Variants in PNLIPRP1 observed in about 807,000 individuals in gnomAD.
PNLIPRP1 encodes the protein inactive pancreatic lipase-related protein 1.
In PNLIPRP1, 57 loss-of-function variants were observed where a neutral mutation model predicts 54.6. The ratio of observed to expected loss-of-function variants is 1.04; its 90% confidence interval spans 0.84 to 1.30. The LOEUF (loss-of-function observed/expected upper bound fraction) is 1.30. Ranked by LOEUF, PNLIPRP1 falls within the 50% of genes most tolerant of loss-of-function variation. The probability of loss-of-function intolerance (pLI) is 0.00; values close to 1 mark genes in which losing one functional copy is unlikely to be tolerated. For missense variants in PNLIPRP1, 567 were observed against 568.5 expected (o/e 1.00, Z 0.03); for synonymous variants, 232 against 208.8 (o/e 1.11, Z -0.96).
In PNLIPRP1 at chr10:116,592,410, TCA is replaced by T; in HGVS notation, c.205-3_205-2del. The T allele has an allele frequency of 6.3e-7, 1 of 1,597,486 alleles. No homozygotes were observed. The highest frequency in any genetic ancestry group is 1.1e-5 in the South Asian group (1 of 89,252). On this transcript the variant is annotated splice_polypyrimidine_tract_variant and splice_region_variant and intron_variant, in intron 3 of 12. Coordinates refer to ENST00000358834, the MANE Select transcript of PNLIPRP1 (RefSeq NM_006229.4). ...AAAACATGAAGCACTTCTGCGTCTG[TCA>T]CAGATTCTCCTCCTCTCTGATCCAT... is the stretch of plus-strand genomic sequence containing the variant.
chr10:116,605,538 G>A lies in PNLIPRP1; in HGVS notation c.1325G>A (p.Gly442Glu). 1 of 1,600,196 alleles carries A rather than the reference G, an allele frequency of 6.2e-7. No individual in the cohort carries two copies. The highest frequency in any genetic ancestry group is 8.5e-7 in the Non-Finnish European group (1 of 1,170,522). ...GCCACCAAGATCACTGTGCAAAAGGGAGAAGAGAAGACAGTGTATGTATCT... is the reference window on the plus strand; with the variant it reads ...GCCACCAAGATCACTGTGCAAAAGGAAGAAGAGAAGACAGTGTATGTATCT... ...VGATKITVQK[G>E]EEKTVYNFCS... The change falls in exon 12 of 13, where the codon GGA becomes GAA. Residue 442 changes from glycine to glutamate, a missense_variant. Coordinates refer to ENST00000358834, the MANE Select transcript of PNLIPRP1 (RefSeq NM_006229.4).
At chr10:116,596,561 C>G (rs72825622) in intron 6 of PNLIPRP1, among the ~76,000 whole-genome samples, 2,910 of 152,278 alleles carry the variant, frequency 0.019, 41 homozygotes, top group Non-Finnish European at 0.027. Context: ...CCTAGCCCCT[C>G]CTTTCTAAGT....
Position 116,591,754 on chromosome 10 carries a change from T to A in PNLIPRP1, c.50-17T>A. ...CTTGAGAGCAAATCCTTGAGCAGAT[T>A]CAACCTTTCTCTGTAGGAAAAGAAG... On this transcript the variant is annotated splice_polypyrimidine_tract_variant and intron_variant, in intron 2 of 12. Coordinates refer to ENST00000358834, the MANE Select transcript of PNLIPRP1 (RefSeq NM_006229.4). The A allele has an allele frequency of 1.9e-6, 3 of 1,613,722 alleles. No individual in the cohort carries two copies. Among genetic ancestry groups the A allele is most frequent in the Non-Finnish European group, 2.5e-6 (3 of 1,179,826 alleles).
At chr10:116,601,947 T>C (rs924345991) in intron 10 of PNLIPRP1, among the ~76,000 whole-genome samples, 19 of 152,232 alleles carry the variant, frequency 1.2e-4, no homozygotes, top group African/African-American at 4.3e-4. Context: ...TTTGGACAAA[T>C]GAATAGTTGT....
Position 116,596,337 on chromosome 10 carries a change from G to A in PNLIPRP1, c.574+15G>A. On this transcript the variant is annotated intron_variant, in intron 6 of 12. Coordinates refer to ENST00000358834, the MANE Select transcript of PNLIPRP1 (RefSeq NM_006229.4). ...CAGGATTACAGGTAAGGCCCCAGAG[G>A]CAGGGCCCCAGTTTTGTCCCCAGAA... is the stretch of plus-strand genomic sequence containing the variant. 2 of 1,519,328 alleles carry A rather than the reference G, an allele frequency of 1.3e-6. No homozygotes were observed. Among genetic ancestry groups the A allele is most frequent in the South Asian group, 1.1e-5 (1 of 88,304 alleles). 94.1% of individuals were successfully genotyped at this position (1,519,328 alleles called of 1,614,324 possible).
rs1554864719 is a variant in PNLIPRP1 at position 116,601,173 on chromosome 10, G to T, written c.1035G>T (p.Leu345Phe). ...RTSEEQQKFF[L>F]NTGEASNFAR... is the part of the protein sequence containing the mutation. ...GTGAAGAGCAGCAGAAATTCTTCTT[G>T]AACACAGGAGAGGCTAGCAATTTCG... The change falls in exon 10 of 13, where the codon TTG becomes TTT. Residue 345 changes from leucine to phenylalanine, a missense_variant. Leu to Phe is a conservative substitution (Grantham distance 22). Coordinates refer to ENST00000358834, the MANE Select transcript of PNLIPRP1 (RefSeq NM_006229.4). The T allele has an allele frequency of 6.2e-7, 1 of 1,614,032 alleles. No individual in the cohort carries two copies. Among genetic ancestry groups the T allele is most frequent in the Admixed American group, 1.7e-5 (1 of 59,980 alleles).
intron 6 of PNLIPRP1, 143 bp from the exon 7 acceptor site, chr10:116,597,685 C>A: frequency 2.3e-6 from 2 of 874,358 alleles, no homozygotes; most frequent in Non-Finnish European, 3.5e-6. Flanking sequence ...TCATATTTAG[C>A]ACCCAAGGCC....
intron 12 of PNLIPRP1, 39 bp downstream of exon 12, chr10:116,605,592 A>C: frequency 7.1e-7 from 1 of 1,405,022 alleles, no homozygotes; most frequent in Non-Finnish European, 9.6e-7. Flanking sequence ...AAATGTTTGC[A>C]GAGATTCATG....
In PNLIPRP1 at chr10:116,591,128, A is replaced by G. The variant is rs782371815; in HGVS notation, c.1-2A>G. ...ACTGAATTATGTTTAAATTTATTGT[A>G]GATGCTGATCTTCTGGACAATCACA... On this transcript the variant is annotated splice_acceptor_variant, in intron 1 of 12. Transcript: ENST00000358834. LOFTEE classifies it low-confidence loss of function (5UTR_SPLICE). 1.9e-6 allele frequency: 3 copies of G among 1,612,810 alleles called. No homozygotes were observed. Among genetic ancestry groups the G allele is most frequent in the African/African-American group, 1.3e-5 (1 of 74,926 alleles).
At chr10:116,593,008 T>A in intron 4 of PNLIPRP1, 1 of 232,406 alleles carries the variant, frequency 4.3e-6, no homozygotes, top group South Asian at 5.5e-5. Context: ...TCTCTACTAA[T>A]GATACAAAAA....
rs558814770 is a variant in PNLIPRP1, at chr10:116,601,878, T to C, written c.1063+677T>C. Among the ~76,000 whole-genome samples the C allele has an allele frequency of 7.9e-5, 12 of 152,360 alleles. No individual in the cohort carries two copies. In the South Asian group the frequency reaches 2.5e-3, roughly 32 times the overall value. On this transcript the variant is annotated intron_variant, in intron 10 of 12. Coordinates refer to ENST00000358834, the MANE Select transcript of PNLIPRP1 (RefSeq NM_006229.4). ...CTTACATAGTTTTTAAAGTCAGATT[T>C]ATTGAGGTATAATTTATATTTGGCA...
chr10:116,602,604 T>A (rs1452757797), intron 10 of PNLIPRP1, among the ~76,000 whole-genome samples: 1 of 152,036 alleles, frequency 6.6e-6, no homozygotes, highest in African/African-American at 2.4e-5. Context: ...CATGACATTA[T>A]GGGACAGAGA....
chr10:116,591,533 G>A (rs1427008046), intron 2 of PNLIPRP1, among the ~76,000 whole-genome samples: 1 of 152,136 alleles, frequency 6.6e-6, no homozygotes, highest in Non-Finnish European at 1.5e-5. Context: ...CAGTTTTGAG[G>A]GTAGTTCTAA....
At chr10:116,593,970 A>G (rs550821996) in intron 4 of PNLIPRP1, 2,162 of 166,310 alleles carry the variant, frequency 0.013, 38 homozygotes, top group South Asian at 0.031. Context: ...AAAAAAAAAA[A>G]AAAGAAAGAA....
intron 10 of PNLIPRP1, 21 bp downstream of exon 10, chr10:116,601,222 C>A: frequency 1.2e-6 from 2 of 1,606,170 alleles, no homozygotes. Flanking sequence ...CTTTGACTAC[C>A]TGCCCATGTA....
intron 11 of PNLIPRP1, 97 bp from the exon 12 acceptor site, chr10:116,605,289 A>C (rs1432019839): frequency 1.6e-6 from 1 of 634,800 alleles, no homozygotes; most frequent in East Asian, 2.9e-5. Context: ...CGGAAAAATA[A>C]TCCTGTTAAT....
At chr10:116,607,849 C>T (rs1331468707) in intron 12 of PNLIPRP1, among the ~76,000 whole-genome samples, 1 of 152,130 alleles carries the variant, frequency 6.6e-6, no homozygotes, top group East Asian at 1.9e-4. Context: ...TCATGGAATT[C>T]TCAACAGTCG....
At chr10:116,601,560 C>T (rs1235571900) in intron 10 of PNLIPRP1, among the ~76,000 whole-genome samples, 3 of 152,162 alleles carry the variant, frequency 2.0e-5, no homozygotes, top group East Asian at 1.9e-4. Flanking sequence ...TCAGCAAAGA[C>T]GTAATTGGTA....
chr10:116,605,983 G>T (rs1427879358), intron 12 of PNLIPRP1, among the ~76,000 whole-genome samples: 1 of 152,180 alleles, frequency 6.6e-6, no homozygotes, highest in Non-Finnish European at 1.5e-5. Context: ...AATGCACTAG[G>T]ATTGCAATAC....
Sources: gnomAD v4.1 joint callset for allele counts (sites outside exome capture counted in the v4.1 genomes callset) on GRCh38, gnomAD v4.1.1 for gene constraint, MANE v1.5 for transcripts, NCBI Gene and HGNC (gene_info 2026-07-23, HGNC 2026-07-21) for gene names.